The following SLC38A1 variants were observed in gnomAD, a reference collection of about 807,000 sequenced individuals.
SLC38A1 encodes the protein sodium-coupled neutral amino acid symporter 1.
Under a neutral mutation model 60.3 loss-of-function variants are expected in SLC38A1, and 18 were observed. That is an observed-to-expected ratio of 0.30 (90% CI 0.21 to 0.44). SLC38A1 has a LOEUF of 0.44. Ranked by LOEUF, SLC38A1 falls within the 20% of genes least tolerant of loss-of-function variation. SLC38A1 has a pLI of 1.00. For synonymous variants in SLC38A1, 196 were observed against 212.1 expected (o/e 0.92, Z 0.66); for missense variants, 448 against 587.2 (o/e 0.76, Z 2.45).
At chr12:46,247,345 C>G (rs1474595159) in intron 1 of SLC38A1, among the ~76,000 whole-genome samples, 1 of 152,118 alleles carries the variant, frequency 6.6e-6, no homozygotes, top group Non-Finnish European at 1.5e-5. Context: ...CACAAATGAC[C>G]TGATGGAGCT....
intron 11 of SLC38A1, among the ~76,000 whole-genome samples, chr12:46,203,597 G>T (rs1939760001): frequency 6.6e-6 from 1 of 152,156 alleles, no homozygotes; most frequent in African/African-American, 2.4e-5. Context: ...CACTACTTTG[G>T]CTATATCCTT....
chr12:46,201,368 G>C (rs1233545489), intron 12 of SLC38A1, among the ~76,000 whole-genome samples, 170 bp from the exon 13 acceptor site: 1 of 152,204 alleles, frequency 6.6e-6, no homozygotes, highest in African/African-American at 2.4e-5. Context: ...CTCTTATACT[G>C]AATTGGTATT....
chr12:46,261,368 G>A (rs186528131), intron 1 of SLC38A1, among the ~76,000 whole-genome samples: 21 of 152,006 alleles, frequency 1.4e-4, no homozygotes, highest in African/African-American at 5.1e-4. Flanking sequence ...TATAGCAAGG[G>A]GGCTCATATT....
At chr12:46,235,657 T>C (rs1002608627) in intron 3 of SLC38A1, among the ~76,000 whole-genome samples, 3 of 152,116 alleles carry the variant, frequency 2.0e-5, no homozygotes, top group African/African-American at 7.2e-5. Flanking sequence ...ATAGAAAACA[T>C]AGAAGAAGAG....
intron 5 of SLC38A1, among the ~76,000 whole-genome samples, chr12:46,222,257 C>CT (rs1051660549): frequency 6.6e-6 from 1 of 150,922 alleles, no homozygotes; most frequent in African/African-American, 2.4e-5. Context: ...TTTTTTTCCT[C>CT]TAAAAGCAGG....
At chr12:46,230,842 C>A (rs1475993822) in intron 3 of SLC38A1, among the ~76,000 whole-genome samples, 1 of 152,090 alleles carries the variant, frequency 6.6e-6, no homozygotes, top group Admixed American at 6.5e-5. Flanking sequence ...GCTTATACAC[C>A]ATTGGTGGGA....
chr12:46,199,397 A>G (rs1320710009), intron 13 of SLC38A1, among the ~76,000 whole-genome samples: 1 of 149,478 alleles, frequency 6.7e-6, no homozygotes, highest in Non-Finnish European at 1.5e-5. Flanking sequence ...AGGCTGGAAT[A>G]TGGTTGCCAT....
chr12:46,188,323 G>C lies in SLC38A1; in HGVS notation c.*647C>G, dbSNP rs1002347739. On this transcript the variant is annotated 3_prime_UTR_variant, in exon 17 of 17. Coordinates refer to ENST00000398637, the MANE Select transcript of SLC38A1 (RefSeq NM_030674.4). The stretch of plus-strand genomic sequence containing the variant: ...AGAACACTTGCCAGAGAATGTCTCT[G>C]GATGGGAATAGATGTGGTACCAGCT... 6.6e-6 allele frequency: 1 copy of C among 152,372 alleles called. No homozygotes were observed. The highest frequency in any genetic ancestry group is 6.6e-5 in the Admixed American group (1 of 15,258). 9.4% of individuals were successfully genotyped at this position (152,372 alleles called of 1,614,324 possible).
chr12:46,208,954 T>A (rs543767238), intron 6 of SLC38A1, 100 bp downstream of exon 6: 1 of 818,140 alleles, frequency 1.2e-6, no homozygotes, highest in African/African-American at 1.8e-5. Flanking sequence ...TTCTTTTTAA[T>A]AATCAAATTG....
intron 16 of SLC38A1, among the ~76,000 whole-genome samples, chr12:46,192,738 C>G (rs1277976941): frequency 6.6e-6 from 1 of 152,096 alleles, no homozygotes; most frequent in Non-Finnish European, 1.5e-5. Context: ...TTATAGTATT[C>G]TCTGATGGTA....
chr12:46,264,844 G>A (rs372833129), intron 1 of SLC38A1, among the ~76,000 whole-genome samples: 1 of 151,816 alleles, frequency 6.6e-6, no homozygotes, highest in Admixed American at 6.6e-5. Context: ...TGTCTTTTTC[G>A]AAGTCTGTCA....
chr12:46,240,475 C>T lies in SLC38A1; in HGVS notation c.-93-582G>A, dbSNP rs968583537. On this transcript the variant is annotated intron_variant, in intron 2 of 16. Coordinates refer to ENST00000398637, the MANE Select transcript of SLC38A1 (RefSeq NM_030674.4). ...CCTCCCAAAGTGTTCAAATTACAGG[C>T]GTGAGCCACCGCACCCGGCCTGAAG... Among the ~76,000 whole-genome samples, 7 of 152,246 alleles carry T rather than the reference C, an allele frequency of 4.6e-5. No individual in the cohort carries two copies. In the East Asian group the frequency reaches 5.8e-4, roughly 13 times the overall value.
intron 1 of SLC38A1, among the ~76,000 whole-genome samples, chr12:46,259,641 G>A (rs920114659): frequency 2.0e-5 from 3 of 152,110 alleles, no homozygotes; most frequent in Admixed American, 2.0e-4. Context: ...AATAAAAATG[G>A]CCTTTGGTAG....
At chr12:46,261,736 T>C (rs2139010288) in intron 1 of SLC38A1, among the ~76,000 whole-genome samples, 1 of 152,340 alleles carries the variant, frequency 6.6e-6, no homozygotes, top group South Asian at 2.1e-4. Context: ...TTATCATTAC[T>C]GTCCCAGCCA....
chr12:46,208,919 C>A, intron 6 of SLC38A1, 135 bp downstream of exon 6: 4 of 638,494 alleles, frequency 6.3e-6, no homozygotes, highest in South Asian at 1.9e-5. Flanking sequence ...ATAGGTCTTC[C>A]AATCACTCTA....
Position 46,183,407 on chromosome 12 carries a change from C to T in SLC38A1, c.*5563G>A, listed in dbSNP as rs1938832803. 6.6e-6 allele frequency: 1 copy of T among 152,160 alleles called. No homozygotes were observed. The highest frequency in any genetic ancestry group is 2.1e-4 in the South Asian group (1 of 4,824). 9.4% of individuals were successfully genotyped at this position (152,160 alleles called of 1,614,324 possible). On this transcript the variant is annotated 3_prime_UTR_variant, in exon 17 of 17. Coordinates refer to ENST00000398637, the MANE Select transcript of SLC38A1 (RefSeq NM_030674.4). Reference sequence around the variant, plus strand: ...CTTAGACAGTCTATGTTGGCGTCAACACTAAAATAAAAGGCAAACATGCAG... The same window carrying T: ...CTTAGACAGTCTATGTTGGCGTCAATACTAAAATAAAAGGCAAACATGCAG...
At chr12:46,265,675 T>C (rs552133098) in intron 1 of SLC38A1, among the ~76,000 whole-genome samples, 233 of 152,356 alleles carry the variant, frequency 1.5e-3, no homozygotes, top group Non-Finnish European at 2.6e-3. Context: ...AGCAAGGTCC[T>C]TTAACAAAAT....
chr12:46,244,182 G>GAAAGTAGAA (rs1941539133), intron 1 of SLC38A1, among the ~76,000 whole-genome samples: 1 of 152,220 alleles, frequency 6.6e-6, no homozygotes, highest in Non-Finnish European at 1.5e-5. Flanking sequence ...AAGAAGAAAG[G>GAAAGTAGAA]AAAGTAGAAC....
At chr12:46,206,583 G>C (rs1272488708) in intron 8 of SLC38A1, among the ~76,000 whole-genome samples, 1 of 152,052 alleles carries the variant, frequency 6.6e-6, no homozygotes, top group African/African-American at 2.4e-5. Flanking sequence ...CTGATCCCTT[G>C]GATTTGACCT....
Sources: allele counts gnomAD v4.1 joint callset (sites outside exome capture counted in the v4.1 genomes callset), GRCh38; gene constraint gnomAD v4.1.1; transcripts MANE v1.5; gene names NCBI Gene and HGNC (gene_info 2026-07-23, HGNC 2026-07-21).